Variants in TMCO5A observed in about 807,000 individuals in gnomAD.
The protein encoded by TMCO5A is transmembrane and coiled-coil domain-containing protein 5A.
Under a neutral mutation model 42.3 loss-of-function variants are expected in TMCO5A, and 34 were observed. The observed-to-expected ratio is 0.80, with a 90% confidence interval of 0.61 to 1.07. The LOEUF is 1.07. Among genes scored for constraint, TMCO5A ranks in the 50% least tolerant of loss-of-function variants. TMCO5A has a pLI of 0.00. For synonymous variants in TMCO5A, 131 were observed against 115.6 expected (o/e 1.13, Z -0.86); for missense variants, 357 against 327.9 (o/e 1.09, Z -0.69).
the TMCO5A span, among the ~76,000 whole-genome samples, chr15:38,030,849 AC>A: frequency 6.6e-6 from 1 of 152,136 alleles, no homozygotes; most frequent in Non-Finnish European, 1.5e-5. Context: ...TCCTCAAGGA[AC>A]CCTTTGATTG....
chr15:38,033,482 T>C, the TMCO5A span, among the ~76,000 whole-genome samples: 1 of 152,312 alleles, frequency 6.6e-6, no homozygotes, highest in African/African-American at 2.4e-5. Context: ...ATCTAAGATA[T>C]TTCCTCCTTA....
At chr15:37,995,802 G>A in the TMCO5A span, among the ~76,000 whole-genome samples, 14 of 150,846 alleles carry the variant, frequency 9.3e-5, no homozygotes, top group South Asian at 1.9e-3. Context: ...ACAAAATTGC[G>A]TTTCCAGAGG....
intron 11 of TMCO5A, among the ~76,000 whole-genome samples, chr15:37,961,746 C>T (rs2140815509): frequency 6.6e-6 from 1 of 152,112 alleles, no homozygotes; most frequent in South Asian, 2.1e-4. Flanking sequence ...AGAGGTCTTT[C>T]ACCTCCTTGT....
chr15:37,979,460 C>A, the TMCO5A span, among the ~76,000 whole-genome samples: 3 of 152,082 alleles, frequency 2.0e-5, no homozygotes, highest in Non-Finnish European at 4.4e-5. Context: ...CACGACAGAT[C>A]AAGAAATCCA....
the TMCO5A span, among the ~76,000 whole-genome samples, chr15:38,038,145 T>C: frequency 2.6e-5 from 4 of 152,298 alleles, no homozygotes; most frequent in African/African-American, 7.2e-5. Flanking sequence ...TTTATAGATA[T>C]AGAAAAAAAG....
chr15:37,962,773 T>C (rs1890461632), intron 11 of TMCO5A, among the ~76,000 whole-genome samples: 1 of 152,094 alleles, frequency 6.6e-6, no homozygotes, highest in Non-Finnish European at 1.5e-5. Context: ...GCTAGGAGGG[T>C]TGTATCTTTC....
intron 11 of TMCO5A, among the ~76,000 whole-genome samples, chr15:37,965,095 C>T (rs1468294089): frequency 6.6e-6 from 1 of 152,018 alleles, no homozygotes; most frequent in East Asian, 1.9e-4. Flanking sequence ...AATAGAGAAC[C>T]CAGAAACAAA....
intron 11 of TMCO5A, among the ~76,000 whole-genome samples, chr15:37,957,181 A>C (rs576303590): frequency 1.3e-5 from 2 of 152,292 alleles, no homozygotes; most frequent in Admixed American, 1.3e-4. Context: ...ATACCGGCAC[A>C]AGACAAGGCT....
At chr15:37,963,939 C>A (rs991626713) in intron 11 of TMCO5A, among the ~76,000 whole-genome samples, 4 of 152,128 alleles carry the variant, frequency 2.6e-5, no homozygotes, top group Non-Finnish European at 5.9e-5. Context: ...TTGGGCTTTG[C>A]CTTTCTCTGG....
At chr15:37,945,226 A>G (rs1431651751) in intron 10 of TMCO5A, among the ~76,000 whole-genome samples, 1 of 152,134 alleles carries the variant, frequency 6.6e-6, no homozygotes, top group Non-Finnish European at 1.5e-5. Context: ...TTATGGCCGC[A>G]TAGTATTCCA....
chr15:37,973,013 G>A, the TMCO5A span, among the ~76,000 whole-genome samples: 1 of 152,134 alleles, frequency 6.6e-6, no homozygotes, highest in Non-Finnish European at 1.5e-5. Context: ...AGTTATTCCA[G>A]TTCCATTTGT....
the TMCO5A span, among the ~76,000 whole-genome samples, chr15:37,998,010 G>A: frequency 6.6e-6 from 1 of 152,082 alleles, no homozygotes; most frequent in African/African-American, 2.4e-5. Flanking sequence ...TTTGAGAAAT[G>A]TTTATTCATA....
chr15:37,976,600 A>G, the TMCO5A span, among the ~76,000 whole-genome samples: 1 of 151,968 alleles, frequency 6.6e-6, no homozygotes, highest in Admixed American at 6.6e-5. Flanking sequence ...AGTTTTGTCA[A>G]TTCTTTTTGT....
At chr15:37,948,920 TG>T (rs1890060664) in intron 11 of TMCO5A, among the ~76,000 whole-genome samples, 1 of 152,068 alleles carries the variant, frequency 6.6e-6, no homozygotes, top group Admixed American at 6.6e-5. Flanking sequence ...GGTGTTGTAC[TG>T]AAATGAGTGC....
chr15:37,957,341 C>G (rs1890316445), intron 11 of TMCO5A, among the ~76,000 whole-genome samples: 1 of 152,088 alleles, frequency 6.6e-6, no homozygotes, highest in Non-Finnish European at 1.5e-5. Context: ...TTTAGAAAAC[C>G]CCATTGTCTC....
chr15:37,983,526 C>T, the TMCO5A span, among the ~76,000 whole-genome samples: 15 of 152,224 alleles, frequency 9.9e-5, no homozygotes, highest in South Asian at 2.9e-3. Flanking sequence ...AAGGGAGAAA[C>T]CCCAACCTTG....
the TMCO5A span, among the ~76,000 whole-genome samples, chr15:37,976,682 C>T: frequency 6.6e-6 from 1 of 151,940 alleles, no homozygotes; most frequent in Non-Finnish European, 1.5e-5. Flanking sequence ...CTTTCCTCAG[C>T]TTGGTTGATT....
chr15:37,938,055 TG>T (rs1889587965), intron 5 of TMCO5A, 102 bp from the exon 6 acceptor site: 1 of 926,276 alleles, frequency 1.1e-6, no homozygotes. Flanking sequence ...GACCATATCC[TG>T]GAAAGGTTTA....
At chr15:38,007,749 T>C in the TMCO5A span, among the ~76,000 whole-genome samples, 1 of 152,030 alleles carries the variant, frequency 6.6e-6, no homozygotes, top group African/African-American at 2.4e-5. Flanking sequence ...CTGGAATCTG[T>C]CTAAGAAACT....
Sources: allele counts gnomAD v4.1 joint callset (sites outside exome capture counted in the v4.1 genomes callset), GRCh38; gene constraint gnomAD v4.1.1; transcripts MANE v1.5; gene names NCBI Gene and HGNC (gene_info 2026-07-23, HGNC 2026-07-21).